ZNF705A: variants seen among roughly 807,000 people sequenced by gnomAD.
The protein encoded by ZNF705A is zinc finger protein 705A.
A neutral mutation model predicts 16.6 loss-of-function variants in ZNF705A; 8 were observed. The observed-to-expected ratio is 0.48, with a 90% confidence interval of 0.28 to 0.87. The LOEUF (loss-of-function observed/expected upper bound fraction) is 0.87, where lower values mean the gene tolerates loss of function less well. Among genes scored for constraint, ZNF705A ranks in the 40% least tolerant of loss-of-function variants. ZNF705A has a pLI of 0.10. For synonymous variants in ZNF705A, 73 were observed against 117.3 expected (o/e 0.62, Z 2.44); for missense variants, 233 against 359.9 (o/e 0.65, Z 2.85).
At chr12:8,160,451 T>C (rs1244517873) in intron 1 of ZNF705A, among the ~76,000 whole-genome samples, 1 of 152,206 alleles carries the variant, frequency 6.6e-6, no homozygotes, top group African/African-American at 2.4e-5. Context: ...TACCCATCCA[T>C]GAGCATGGGA....
upstream of ZNF705A, chr12:8,172,533 C>T (rs765829364): frequency 6.5e-7 from 1 of 1,549,904 alleles, no homozygotes; most frequent in African/African-American, 1.4e-5. Context: ...TGCTGTCTCA[C>T]ATGTTCTTTC....
chr12:8,167,655 A>C (rs1591623275), upstream of ZNF705A, among the ~76,000 whole-genome samples: 1 of 152,162 alleles, frequency 6.6e-6, no homozygotes, highest in East Asian at 1.9e-4. Flanking sequence ...AAGCACTGAG[A>C]TGTGAACTGG....
At chr12:8,160,311 CT>C (rs1287586933) in intron 1 of ZNF705A, among the ~76,000 whole-genome samples, 2 of 151,876 alleles carry the variant, frequency 1.3e-5, no homozygotes, top group African/African-American at 4.8e-5. Context: ...ATGCAGGCTC[CT>C]TTTTGGTTTC....
chr12:8,179,414 C>G (rs1948514056), exon 5 of ZNF705A: 1 of 152,152 alleles, frequency 6.6e-6, no homozygotes, highest in Non-Finnish European at 1.5e-5. Flanking sequence ...ACAGAGGGGC[C>G]CTCCTCTGCC....
At chr12:8,172,068 G>A (rs994884010), upstream of ZNF705A, among the ~76,000 whole-genome samples, 11 of 152,012 alleles carry the variant, frequency 7.2e-5, no homozygotes, top group African/African-American at 2.7e-4. Context: ...TTATTTCCAG[G>A]TTCCAAGGGG....
exon 5 of ZNF705A, chr12:8,178,552 T>A (rs950160244): frequency 5.3e-5 from 8 of 152,206 alleles, no homozygotes; most frequent in African/African-American, 1.9e-4. Context: ...GTCAAGAAGG[T>A]GGACCTCTAG....
chr12:8,166,427 G>A (rs1948399754), intron 1 of ZNF705A, among the ~76,000 whole-genome samples: 1 of 152,200 alleles, frequency 6.6e-6, no homozygotes, highest in Non-Finnish European at 1.5e-5. Context: ...CATGGGGGCA[G>A]TTTTTCCCAT....
At chr12:8,163,206 C>T (rs1948371175) in intron 1 of ZNF705A, among the ~76,000 whole-genome samples, 1 of 152,106 alleles carries the variant, frequency 6.6e-6, no homozygotes, top group East Asian at 1.9e-4. Context: ...CTATAAAGAT[C>T]GAGATCTGTT....
chr12:8,165,370 C>T (rs1200354702), intron 1 of ZNF705A, among the ~76,000 whole-genome samples: 1 of 149,128 alleles, frequency 6.7e-6, no homozygotes, highest in Non-Finnish European at 1.5e-5. Context: ...GCAAGCTCCA[C>T]CTCCCAGGTT....
At chr12:8,158,764 T>G (rs1948329872) in intron 1 of ZNF705A, among the ~76,000 whole-genome samples, 1 of 152,144 alleles carries the variant, frequency 6.6e-6, no homozygotes, top group Admixed American at 6.6e-5. Flanking sequence ...TCTCTGGATA[T>G]GATATATTTC....
upstream of ZNF705A, among the ~76,000 whole-genome samples, chr12:8,169,964 C>G (rs1264658941): frequency 6.6e-6 from 1 of 152,094 alleles, no homozygotes; most frequent in African/African-American, 2.4e-5. Context: ...CGGAGGCTAG[C>G]GGATCACCTG....
At chr12:8,170,195 CCA>C (rs1491379518), upstream of ZNF705A, among the ~76,000 whole-genome samples, 9 of 126,226 alleles carry the variant, frequency 7.1e-5, no homozygotes, top group South Asian at 2.4e-4. Flanking sequence ...CCCCCCCCCC[CCA>C]AAAAAAAAAA....
At chr12:8,172,523 T>G, upstream of ZNF705A, 1 of 1,506,564 alleles carries the variant, frequency 6.6e-7, no homozygotes, top group Non-Finnish European at 9.1e-7. Context: ...TGCACAAGAC[T>G]GCTGTCTCAC....
At chr12:8,157,374 A>T (rs1361574584) in intron 1 of ZNF705A, among the ~76,000 whole-genome samples, 3 of 152,162 alleles carry the variant, frequency 2.0e-5, no homozygotes, top group Non-Finnish European at 4.4e-5. Flanking sequence ...ATTTCCTACT[A>T]TGCCCAAACC....
chr12:8,177,892 C>T, exon 5 of ZNF705A: 1 of 448,290 alleles, frequency 2.2e-6, no homozygotes, highest in Non-Finnish European at 4.0e-6. Context: ...TCAATAAATT[C>T]ATATGGAAGA....
chr12:8,165,965 A>G (rs746305533), intron 1 of ZNF705A, among the ~76,000 whole-genome samples: 5 of 152,208 alleles, frequency 3.3e-5, no homozygotes, highest in African/African-American at 7.2e-5. Flanking sequence ...AAATAATGCT[A>G]TAATAAATAT....
intron 1 of ZNF705A, among the ~76,000 whole-genome samples, chr12:8,163,238 C>T (rs1591621704): frequency 6.6e-6 from 1 of 152,254 alleles, no homozygotes; most frequent in African/African-American, 2.4e-5. Flanking sequence ...AGGGGATTCT[C>T]AATCATTACT....
chr12:8,176,281 G>A (rs1382044089), intron 4 of ZNF705A, among the ~76,000 whole-genome samples: 3 of 152,134 alleles, frequency 2.0e-5, no homozygotes, highest in South Asian at 2.1e-4. Flanking sequence ...AATGTCAATC[G>A]AGAAAAATGA....
chr12:8,166,696 T>G (rs1240893096), intron 1 of ZNF705A, among the ~76,000 whole-genome samples: 1 of 152,260 alleles, frequency 6.6e-6, no homozygotes, highest in East Asian at 1.9e-4. Context: ...CCCATGGAAA[T>G]TGCCAAGGCT....
Sources: allele counts gnomAD v4.1 joint callset (sites outside exome capture counted in the v4.1 genomes callset), GRCh38; gene constraint gnomAD v4.1.1; transcripts MANE v1.5; gene names NCBI Gene and HGNC (gene_info 2026-07-23, HGNC 2026-07-21).